The following SNED1 variants were observed in gnomAD, a reference collection of about 807,000 sequenced individuals.
SNED1 encodes the protein sushi, nidogen and EGF like domains 1.
Under a neutral mutation model 166.7 loss-of-function variants are expected in SNED1, and 81 were observed. The observed-to-expected ratio is 0.49, with a 90% CI of 0.41 to 0.58. The LOEUF (loss-of-function observed/expected upper bound fraction) is 0.58, where lower values mean the gene tolerates loss of function less well. SNED1 is among the 20% of genes least tolerant of loss of function. The pLI is 0.00. For synonymous variants in SNED1, 762 were observed against 822.0 expected, an observed-to-expected ratio of 0.93 and a Z score of 1.25; for missense variants, 1,604 against 2,000.2, an observed-to-expected ratio of 0.80 and a Z score of 3.78.
chr2:241,087,476 G>A lies in SNED1; in HGVS notation c.4205+1G>A. 6.3e-7 allele frequency: 1 copy of A among 1,599,358 alleles called. No individual in the cohort carries two copies. The highest frequency in any genetic ancestry group is 8.5e-7 in the Non-Finnish European group (1 of 1,172,916). On this transcript the variant is annotated splice_donor_variant, in intron 30 of 31. Transcript: ENST00000310397. LOFTEE classifies it high-confidence loss of function. ...CAAGCCTCAAGAAGACCCCAAACAG[G>A]TGCCTCTGGGGAGCAGGCCCATGCC...
chr2:241,055,628 A>G (rs1378330815), intron 16 of SNED1, among the ~76,000 whole-genome samples: 1 of 152,204 alleles, frequency 6.6e-6, no homozygotes. Flanking sequence ...GGCTGCTTTC[A>G]TCCTCCAGCC....
At chr2:241,031,318 C>T (rs923566646) in intron 2 of SNED1, among the ~76,000 whole-genome samples, 1 of 152,170 alleles carries the variant, frequency 6.6e-6, no homozygotes, top group African/African-American at 2.4e-5. Context: ...GCATGCATCA[C>T]CACACCCAGC....
At position 241,052,202 on chromosome 2, in the gene SNED1, C is replaced by T. The variant is rs776370111; in HGVS notation, c.1969+45C>T. ...AGGCCAGGGCGGCCAGGGGTGAACCCTCTCTGCAGATGTGAAAACAGGCCC... is the reference window on the plus strand; with the variant it reads ...AGGCCAGGGCGGCCAGGGGTGAACCTTCTCTGCAGATGTGAAAACAGGCCC... On this transcript the variant is annotated intron_variant, in intron 14 of 31. Coordinates refer to ENST00000310397, the MANE Select transcript of SNED1 (RefSeq NM_001080437.3). 6 of 1,553,254 alleles carry T rather than the reference C, an allele frequency of 3.9e-6. No homozygotes were observed. In the Admixed American group the frequency reaches 6.7e-5, roughly 17 times the overall value.
chr2:241,048,719 C>T lies in SNED1; in HGVS notation c.1457C>T (p.Thr486Ile), dbSNP rs2061739305. 1 of 1,613,018 alleles carries T rather than the reference C, an allele frequency of 6.2e-7. No individual in the cohort carries two copies. The highest frequency in any genetic ancestry group is 1.1e-5 in the South Asian group (1 of 90,644). ...GGCAGATGCCTGGGCGCCAACACCA[C>T]CCTCTGCCAGTGCCCCCTGGGATTC... is the stretch of plus-strand genomic sequence containing the variant. ...NGGRCLGANTTLCQCPLGFFG... is the reference protein window; with the variant it reads ...NGGRCLGANTILCQCPLGFFG... The change falls in exon 10 of 32, where the codon ACC (threonine) becomes ATC (isoleucine). Residue 486 changes from threonine to isoleucine, a missense_variant. Thr to Ile is a moderately conservative substitution (Grantham distance 89, BLOSUM62 -1). Coordinates refer to ENST00000310397, the MANE Select transcript of SNED1 (RefSeq NM_001080437.3).
chr2:241,049,284 C>T, intron 11 of SNED1, 149 bp downstream of exon 11: 3 of 626,394 alleles, frequency 4.8e-6, no homozygotes, highest in Non-Finnish European at 8.5e-6. Flanking sequence ...TCTCAATAGC[C>T]TTCCTGTAAT....
chr2:241,000,799 T>C (rs746214596), intron 1 of SNED1, among the ~76,000 whole-genome samples: 15 of 152,196 alleles, frequency 9.9e-5, no homozygotes, highest in Non-Finnish European at 5.9e-5. Context: ...AAGATATTAT[T>C]TGAAAACCAT....
At chr2:241,053,785 C>T (rs1359527709) in intron 16 of SNED1, among the ~76,000 whole-genome samples, 1 of 152,212 alleles carries the variant, frequency 6.6e-6, no homozygotes, top group Non-Finnish European at 1.5e-5. Context: ...GAGGTCCCAC[C>T]CCTGTCTGGC....
Position 241,048,669 on chromosome 2 carries a change from C to T in SNED1, c.1407C>T (p.Pro469=), listed in dbSNP as rs774410922. ...TCCCTCTCTTCGTGGCAGGAGTCCC[C>T]GATGACTGTGAGTGCCGCAACGGAG... The part of the protein sequence containing the change: ...FMGLDCRERV[P]DDCECRNGGR... Residue 469 remains proline (P), a synonymous_variant, in exon 10 of 32, where the codon CCC becomes CCT. Transcript: ENST00000310397. 5 of 1,609,508 alleles carry T rather than the reference C, an allele frequency of 3.1e-6. No homozygotes were observed. In the African/African-American group the frequency reaches 4.0e-5, roughly 13 times the overall value.
chr2:241,060,414 C>T (rs1278348414), intron 16 of SNED1, among the ~76,000 whole-genome samples: 3 of 152,300 alleles, frequency 2.0e-5, no homozygotes, highest in Admixed American at 2.0e-4. Flanking sequence ...AACTCCTGAC[C>T]TCTGGTGATC....
chr2:241,040,347 G>T lies in SNED1; in HGVS notation c.1207G>T (p.Val403Phe), dbSNP rs774885655. ...PDPCLNGGSC[V>F]DLVGNYTCLC... ...CCCCTGCCTGAATGGAGGCTCTTGT[G>T]TTGACCTAGTGGGGAATTACACCTG... The change falls in exon 8 of 32, where the codon GTT becomes TTT. Residue 403 changes from valine to phenylalanine, a missense_variant. This residue lies in a region of SNED1 where 1,237 missense variants were observed against 1,620.8 expected (regional missense o/e 0.76). Transcript: ENST00000310397. 2 of 1,609,686 alleles carry T rather than the reference G, an allele frequency of 1.2e-6. No homozygotes were observed. Among genetic ancestry groups the T allele is most frequent in the Admixed American group, 3.4e-5 (2 of 59,464 alleles).
In SNED1 at chr2:241,065,591, C is replaced by T; in HGVS notation, c.3006C>T (p.Arg1002=). ...DISRPAVLLA[R]TRPRPVEGFE... is the part of the protein sequence containing the mutation. Reference sequence around the variant, plus strand: ...GCAGGCCTGCCGTGCTGCTGGCCCGCACGCGTGAGTGTCCCCGAGCCTGGC... The same window carrying T: ...GCAGGCCTGCCGTGCTGCTGGCCCGTACGCGTGAGTGTCCCCGAGCCTGGC... The change falls in exon 21 of 32, where the codon CGC becomes CGT. Residue 1002 remains arginine, a synonymous_variant. Transcript: ENST00000310397. 1.2e-6 allele frequency: 2 copies of T among 1,611,262 alleles called. No individual in the cohort carries two copies. Among genetic ancestry groups the T allele is most frequent in the Non-Finnish European group, 8.5e-7 (1 of 1,179,444 alleles).
rs971933791 is a variant in SNED1 at position 241,082,252 on chromosome 2, G to A, written c.4034-25G>A. On this transcript the variant is annotated intron_variant, in intron 28 of 31. Transcript: ENST00000310397. ...GGAGGAGCCGTCAGGAGCACCTGGTGAGCCACTGCCCTTCTTTGTCGCAGC... is the reference window on the plus strand; with the variant it reads ...GGAGGAGCCGTCAGGAGCACCTGGTAAGCCACTGCCCTTCTTTGTCGCAGC... The A allele has an allele frequency of 2.5e-6, 4 of 1,580,668 alleles. No homozygotes were observed. In the African/African-American group the frequency reaches 5.4e-5, roughly 21 times the overall value.
Position 241,063,357 on chromosome 2 carries a change from G to A in SNED1, c.2372-230G>A, listed in dbSNP as rs77534084. 2.5e-3 allele frequency: 1,435 copies of A among 572,568 alleles called. 17 individuals are homozygous for A. The highest frequency in any genetic ancestry group is 0.022 in the African/African-American group (1,180 of 53,492). 35.5% of individuals were successfully genotyped at this position (572,568 alleles called of 1,614,324 possible). A position where few individuals can be genotyped will look rare whatever the true frequency, so the allele number is the denominator to read the frequency against. Reference sequence around the variant, plus strand: ...GGAGCCTCCCATTGCGGAGTGGCCTGGAGGAAGGCATGGCCTGGAGGTGGG... The same window carrying A: ...GGAGCCTCCCATTGCGGAGTGGCCTAGAGGAAGGCATGGCCTGGAGGTGGG... On this transcript the variant is annotated intron_variant, in intron 17 of 31. Coordinates refer to ENST00000310397, the MANE Select transcript of SNED1 (RefSeq NM_001080437.3).
chr2:241,094,193 TA>T lies in SNED1; in HGVS notation c.*2558del, dbSNP rs1158326507. On this transcript the variant is annotated 3_prime_UTR_variant, in exon 32 of 32. Coordinates refer to ENST00000310397, the MANE Select transcript of SNED1 (RefSeq NM_001080437.3). This position sits in a 1 kb window ranked among gnomAD's most constrained non-coding sequence, Gnocchi z 4.3. ...TCCCCATTGCGTGTGGGCTGCCAGG[TA>T]CAAGTAAGGGAATCTTTGCTGTGCC... 1 of 402,724 alleles carries T rather than the reference TA, an allele frequency of 2.5e-6. No individual in the cohort carries two copies. Among genetic ancestry groups the T allele is most frequent in the Non-Finnish European group, 5.1e-6 (1 of 194,764 alleles). The allele number at this position is 402,724 out of a possible 1,614,324, so 24.9% of individuals were successfully genotyped here.
chr2:241,060,839 G>A (rs996698970), intron 16 of SNED1, among the ~76,000 whole-genome samples: 1 of 152,002 alleles, frequency 6.6e-6, no homozygotes, highest in Admixed American at 6.6e-5. Context: ...GCTAGGGTGG[G>A]AAGATCACTT....
intron 8 of SNED1, among the ~76,000 whole-genome samples, chr2:241,045,971 C>T (rs749822967): frequency 2.6e-5 from 4 of 152,136 alleles, no homozygotes; most frequent in Non-Finnish European, 5.9e-5. Flanking sequence ...AGAAAACAAA[C>T]AACCCAATTT....
In SNED1 at chr2:241,071,883, G is replaced by A; in HGVS notation, c.3817+5G>A. 6.3e-7 allele frequency: 1 copy of A among 1,595,428 alleles called. No individual in the cohort carries two copies. Among genetic ancestry groups the A allele is most frequent in the Non-Finnish European group, 8.5e-7 (1 of 1,171,566 alleles). ...AAGCAGCCACCGTGAGATCACGTGA[G>A]TGCCAGGGCCTCCCCACCCACCTTG... On this transcript the variant is annotated splice_donor_5th_base_variant and intron_variant, in intron 26 of 31. Transcript: ENST00000310397.
At chr2:241,026,388 G>A (rs2060971615) in intron 1 of SNED1, among the ~76,000 whole-genome samples, 2 of 152,154 alleles carry the variant, frequency 1.3e-5, no homozygotes, top group Non-Finnish European at 2.9e-5. Flanking sequence ...ATCAGTTCTG[G>A]AAAATTCTCA....
chr2:241,005,421 C>T (rs1472563250), intron 1 of SNED1, among the ~76,000 whole-genome samples: 1 of 151,962 alleles, frequency 6.6e-6, no homozygotes, highest in African/African-American at 2.4e-5. Flanking sequence ...TTAGGCTGAT[C>T]TGGAATTCCT....
Sources: allele counts gnomAD v4.1 joint callset (sites outside exome capture counted in the v4.1 genomes callset), GRCh38; gene constraint gnomAD v4.1.1; regional missense constraint gnomAD v4.1.1; non-coding constraint Gnocchi (gnomAD v3.1); transcripts MANE v1.5; gene names NCBI Gene and HGNC (gene_info 2026-07-23, HGNC 2026-07-21).